The following JMJD1C variants were observed in gnomAD, a reference collection of about 807,000 sequenced individuals.
The protein encoded by JMJD1C is jumonji domain containing 1C, also known as jumonji domain-containing protein 1C.
JMJD1C carries 31 observed loss-of-function variants against 245.3 expected under a neutral mutation model. The observed-to-expected ratio is 0.13, with a 90% CI of 0.09 to 0.17. The LOEUF is 0.17. JMJD1C is among the 10% of genes least tolerant of loss of function. The pLI is 1.00. For missense variants in JMJD1C, 2,691 were observed against 3,000.2 expected (o/e 0.90, Z 2.41); for synonymous variants, 1,057 against 1,017.4 (o/e 1.04, Z -0.74).
At chr10:63,398,289 T>C (rs1374447957) in intron 1 of JMJD1C, among the ~76,000 whole-genome samples, 2 of 152,164 alleles carry the variant, frequency 1.3e-5, no homozygotes, top group African/African-American at 4.8e-5. Context: ...TTAAATCTAT[T>C]ATTTATAGGT....
intron 1 of JMJD1C, among the ~76,000 whole-genome samples, chr10:63,455,993 A>G (rs777985974): frequency 3.4e-4 from 52 of 152,126 alleles, no homozygotes; most frequent in Non-Finnish European, 6.6e-4. Context: ...TGTTATACTT[A>G]GTAGTTCAAA....
At chr10:63,361,204 C>T (rs1054789489) in intron 2 of JMJD1C, among the ~76,000 whole-genome samples, 4 of 152,192 alleles carry the variant, frequency 2.6e-5, no homozygotes, top group African/African-American at 9.6e-5. Context: ...GGGCACATCA[C>T]CTGAGGTCAG....
At chr10:63,419,528 C>A (rs1018280783) in intron 1 of JMJD1C, among the ~76,000 whole-genome samples, 1 of 152,120 alleles carries the variant, frequency 6.6e-6, no homozygotes, top group Non-Finnish European at 1.5e-5. Context: ...GCACTGTCAG[C>A]TACTTTTGTC....
chr10:63,501,044 C>T (rs1221751871), intron 1 of JMJD1C, among the ~76,000 whole-genome samples: 7 of 151,900 alleles, frequency 4.6e-5, no homozygotes, highest in East Asian at 1.9e-4. Flanking sequence ...GATGAGGACA[C>T]GAAGACATAA....
At chr10:63,305,459 C>CCTCTCTCTCCTCT (rs376337438) in intron 2 of JMJD1C, among the ~76,000 whole-genome samples, 32 of 113,086 alleles carry the variant, frequency 2.8e-4, no homozygotes, top group African/African-American at 1.1e-3. Context: ...ACGCTCTGAC[C>CCTCTCTCTCCTCT]CTCTCTCTCT....
intron 11 of JMJD1C, among the ~76,000 whole-genome samples, chr10:63,199,183 C>T (rs1055712747): frequency 6.6e-6 from 1 of 152,102 alleles, no homozygotes; most frequent in Non-Finnish European, 1.5e-5. Flanking sequence ...TGACACATTG[C>T]TGAAGTGATT....
intron 1 of JMJD1C, among the ~76,000 whole-genome samples, chr10:63,473,654 T>C (rs1182897560): frequency 3.9e-5 from 6 of 152,238 alleles, no homozygotes; most frequent in Non-Finnish European, 8.8e-5. Flanking sequence ...GAACTTATTG[T>C]TGTAAAGCTG....
intron 1 of JMJD1C, among the ~76,000 whole-genome samples, chr10:63,404,063 T>C (rs1949021787): frequency 6.7e-6 from 1 of 150,282 alleles, no homozygotes; most frequent in Non-Finnish European, 1.5e-5. Context: ...TGCAGTGAGC[T>C]GAAATTGCAC....
intron 10 of JMJD1C, 134 bp downstream of exon 10, chr10:63,206,461 C>T (rs925639688): frequency 4.3e-5 from 25 of 587,864 alleles, no homozygotes; most frequent in Non-Finnish European, 7.0e-5. Flanking sequence ...GATCAATGAG[C>T]ATATACATAA....
chr10:63,475,024 A>G (rs569166932), intron 1 of JMJD1C, among the ~76,000 whole-genome samples: 1 of 152,206 alleles, frequency 6.6e-6, no homozygotes, highest in Non-Finnish European at 1.5e-5. Flanking sequence ...GAAATGCCCT[A>G]TATCTTCATC....
chr10:63,463,343 T>C (rs552711526), intron 1 of JMJD1C, among the ~76,000 whole-genome samples: 6 of 152,234 alleles, frequency 3.9e-5, no homozygotes, highest in African/African-American at 1.4e-4. Flanking sequence ...ATTTCTGTAT[T>C]TTTTGTAGGG....
chr10:63,348,114 G>T lies in JMJD1C; in HGVS notation c.333+32204C>A, dbSNP rs150025881. ...GCTTGCAATCCCAGCTACTTGGTGG[G>T]AGGATCGCTTGAAACCAGGAGGCAG... On this transcript the variant is annotated intron_variant, in intron 2 of 25. Transcript: ENST00000399262. Among the ~76,000 whole-genome samples, 362 of 152,022 alleles carry T rather than the reference G, an allele frequency of 2.4e-3. 3 individuals carry two copies. The South Asian group carries it at 0.029, about 12-fold the overall frequency.
At chr10:63,518,241 G>C (rs1028006162) in intron 1 of JMJD1C, among the ~76,000 whole-genome samples, 1 of 152,192 alleles carries the variant, frequency 6.6e-6, no homozygotes, top group African/African-American at 2.4e-5. Context: ...CTTCTCAGAT[G>C]AAGTTACTCT....
chr10:63,443,420 C>A (rs1951509327), intron 1 of JMJD1C, among the ~76,000 whole-genome samples: 1 of 152,166 alleles, frequency 6.6e-6, no homozygotes, highest in African/African-American at 2.4e-5. Flanking sequence ...AAGTGATTCT[C>A]CAGCCTCAGC....
At chr10:63,363,887 A>C (rs1589588737) in intron 2 of JMJD1C, among the ~76,000 whole-genome samples, 3 of 132,212 alleles carry the variant, frequency 2.3e-5, no homozygotes, top group South Asian at 4.7e-4. Context: ...ACAGAGTCTC[A>C]CTCTGTTGCC....
chr10:63,317,436 A>G (rs142470090), intron 2 of JMJD1C, among the ~76,000 whole-genome samples: 2 of 152,072 alleles, frequency 1.3e-5, no homozygotes, highest in Non-Finnish European at 2.9e-5. Flanking sequence ...CTTATTAACT[A>G]TAGTCATCCT....
intron 1 of JMJD1C, among the ~76,000 whole-genome samples, chr10:63,441,846 C>CGG (rs1564923929): frequency 6.6e-6 from 1 of 152,168 alleles, no homozygotes; most frequent in Non-Finnish European, 1.5e-5. Context: ...ATTATAATCA[C>CGG]CTTAATAAAT....
rs1016050243 is a variant in JMJD1C at position 63,184,783 on chromosome 10, T to C, written c.6831-45A>G. On this transcript the variant is annotated intron_variant, in intron 20 of 25. Transcript: ENST00000399262. ...CCTTCTTATAAATAAAGATTTGCATTGCTAAGTATTTTCACATATATAATT... is the reference window on the plus strand; with the variant it reads ...CCTTCTTATAAATAAAGATTTGCATCGCTAAGTATTTTCACATATATAATT... The C allele has an allele frequency of 3.9e-6, 6 of 1,540,066 alleles. No individual in the cohort carries two copies. In the African/African-American group the frequency reaches 8.3e-5, roughly 21 times the overall value.
At chr10:63,444,104 C>T (rs1951549854) in intron 1 of JMJD1C, among the ~76,000 whole-genome samples, 1 of 152,042 alleles carries the variant, frequency 6.6e-6, no homozygotes, top group Non-Finnish European at 1.5e-5. Flanking sequence ...AAAACATTTA[C>T]TGAGAGTCAA....
Sources: allele counts gnomAD v4.1 joint callset (sites outside exome capture counted in the v4.1 genomes callset), GRCh38; gene constraint gnomAD v4.1.1; transcripts MANE v1.5; gene names NCBI Gene and HGNC (gene_info 2026-07-23, HGNC 2026-07-21).